The following CSNK2A1 variants were observed in gnomAD, a reference collection of about 807,000 sequenced individuals.
CSNK2A1 encodes casein kinase 2 alpha 1, also known as casein kinase II subunit alpha.
Under a neutral mutation model 62.9 loss-of-function variants are expected in CSNK2A1, and 10 were observed. That is an observed-to-expected ratio of 0.16 (90% CI 0.10 to 0.27). CSNK2A1 has a LOEUF of 0.27. CSNK2A1 is among the 10% of genes least tolerant of loss of function. The pLI is 1.00. For synonymous variants in CSNK2A1, 124 were observed against 167.8 expected (o/e 0.74, Z 2.02); for missense variants, 160 against 492.0 (o/e 0.33, Z 6.38).
At chr20:529,557 A>T (rs919147416) in intron 1 of CSNK2A1, among the ~76,000 whole-genome samples, 4 of 152,208 alleles carry the variant, frequency 2.6e-5, no homozygotes, top group African/African-American at 4.8e-5. Flanking sequence ...CGATGCTGAG[A>T]ATCTGGAAAT....
At chr20:521,954 A>G (rs1423671242) in intron 2 of CSNK2A1, among the ~76,000 whole-genome samples, 4 of 152,180 alleles carry the variant, frequency 2.6e-5, no homozygotes, top group Non-Finnish European at 2.9e-5. Flanking sequence ...ACTTCCATTT[A>G]TATCAGGGGT....
At position 482,040 on chromosome 20, in the gene CSNK2A1, G is replaced by A. The variant is rs1489261270; in HGVS notation, c.*1921C>T. ...AAGCGCTATAAAAGGAGGCTTTAGC[G>A]TCCTCTAAAGTTTACCATTATATTC... On this transcript the variant is annotated 3_prime_UTR_variant, in exon 14 of 14. Transcript: ENST00000217244. 1.3e-5 allele frequency: 2 copies of A among 152,142 alleles called. No homozygotes were observed. The highest frequency in any genetic ancestry group is 3.8e-4 in the East Asian group (2 of 5,196). The allele number at this position is 152,142 out of a possible 1,614,324, so 9.4% of individuals were successfully genotyped here. A position where few individuals can be genotyped will look rare whatever the true frequency, so the allele number is the denominator to read the frequency against.
intron 13 of CSNK2A1, among the ~76,000 whole-genome samples, chr20:485,111 T>TAATAATAATAATAATAATA (rs1568496684): frequency 1.1e-4 from 3 of 27,774 alleles, no homozygotes; most frequent in Admixed American, 6.2e-4. Flanking sequence ...AAAAAAAAAA[T>TAATAATAATAATAATAATA]ATATATATAT....
At chr20:531,411 T>C (rs1461305030) in intron 1 of CSNK2A1, among the ~76,000 whole-genome samples, 5 of 152,144 alleles carry the variant, frequency 3.3e-5, no homozygotes, top group Non-Finnish European at 5.9e-5. Flanking sequence ...ATTTGAGCAA[T>C]CAATCCCTGG....
In CSNK2A1 at chr20:486,552, T is replaced by C. The variant is rs10222037; in HGVS notation, c.974-90A>G. 3.3e-3 allele frequency: 4,712 copies of C among 1,409,398 alleles called. 126 individuals carry two copies. In the African/African-American group the frequency reaches 0.058, roughly 17 times the overall value. 87.3% of individuals were successfully genotyped at this position (1,409,398 alleles called of 1,614,324 possible). On this transcript the variant is annotated intron_variant, in intron 12 of 13. Coordinates refer to ENST00000217244, the MANE Select transcript of CSNK2A1 (RefSeq NM_177559.3). ...CCTGAAAGCAGCCAGCTTCATTCTT[T>C]GCAATTTATATATACTCTACATTAT... is the stretch of plus-strand genomic sequence containing the variant.
At chr20:524,161 C>T (rs765914320) in intron 2 of CSNK2A1, among the ~76,000 whole-genome samples, 3 of 151,892 alleles carry the variant, frequency 2.0e-5, no homozygotes, top group South Asian at 2.1e-4. Context: ...CAGCTGCTCA[C>T]GCCTGTAATC....
In CSNK2A1 at chr20:481,217, A is replaced by G. The variant is rs1300702621; in HGVS notation, c.*2744T>C. On this transcript the variant is annotated 3_prime_UTR_variant, in exon 14 of 14. Transcript: ENST00000217244. ...ACCAATTACAATACAATTACAACCA[A>G]TAAAGCAAGGTGGGGAGGGCCTTCT... 1.3e-5 allele frequency: 2 copies of G among 152,224 alleles called. No homozygotes were observed. The highest frequency in any genetic ancestry group is 4.8e-5 in the African/African-American group (2 of 41,444). The allele number at this position is 152,224 out of a possible 1,614,324, so 9.4% of individuals were successfully genotyped here. A position where few individuals can be genotyped will look rare whatever the true frequency, so the allele number is the denominator to read the frequency against.
intron 8 of CSNK2A1, chr20:492,605 A>G (rs763012965): frequency 3.5e-5 from 17 of 485,898 alleles, no homozygotes; most frequent in Non-Finnish European, 6.3e-5. Flanking sequence ...AAACTGCTCA[A>G]TGACTAAAAT....
At chr20:497,458 A>G (rs2018368400) in intron 7 of CSNK2A1, among the ~76,000 whole-genome samples, 1 of 145,362 alleles carries the variant, frequency 6.9e-6, no homozygotes, top group Non-Finnish European at 1.5e-5. Context: ...TAATTAAACA[A>G]TTTTTTTTTG....
At chr20:487,870 G>A (rs1341185881) in intron 11 of CSNK2A1, 2 of 421,584 alleles carry the variant, frequency 4.7e-6, no homozygotes, top group East Asian at 4.5e-5. Context: ...GGGTCAGGTG[G>A]CTGAGCTCAC....
intron 1 of CSNK2A1, among the ~76,000 whole-genome samples, chr20:538,835 A>G (rs2019388367): frequency 6.6e-6 from 1 of 152,244 alleles, no homozygotes; most frequent in Non-Finnish European, 1.5e-5. Flanking sequence ...GCCAATAAAA[A>G]CTAATGAAGA....
At chr20:537,600 C>T (rs780706294) in intron 1 of CSNK2A1, among the ~76,000 whole-genome samples, 17 of 152,138 alleles carry the variant, frequency 1.1e-4, no homozygotes, top group Admixed American at 3.3e-4. Flanking sequence ...AGCTACTTTT[C>T]CTTAATAATC....
intron 2 of CSNK2A1, among the ~76,000 whole-genome samples, chr20:518,933 C>CTTTT: frequency 8.1e-6 from 1 of 123,710 alleles, no homozygotes; most frequent in Non-Finnish European, 1.7e-5. Context: ...GTTGGATATA[C>CTTTT]TTTTTTTTTT....
At chr20:536,037 G>T (rs1009234826) in intron 1 of CSNK2A1, among the ~76,000 whole-genome samples, 1 of 152,036 alleles carries the variant, frequency 6.6e-6, no homozygotes, top group African/African-American at 2.4e-5. Context: ...GTCTGAGATG[G>T]GAATATTACC....
Position 504,871 on chromosome 20 carries a change from C to T in CSNK2A1, c.213+247G>A. The T allele has an allele frequency of 6.9e-6, 3 of 435,018 alleles. No homozygotes were observed. The South Asian group carries it at 1.7e-4, about 25-fold the overall frequency. The allele number at this position is 435,018 out of a possible 1,614,324, so 26.9% of individuals were successfully genotyped here. A position where few individuals can be genotyped will look rare whatever the true frequency, so the allele number is the denominator to read the frequency against. ...TAGGCAATAACTGGGAGAGAAGAGA[C>T]TGTACCTTTGCTCCCTTACTCTGCC... On this transcript the variant is annotated intron_variant, in intron 4 of 13. Coordinates refer to ENST00000217244, the MANE Select transcript of CSNK2A1 (RefSeq NM_177559.3).
chr20:537,782 G>C (rs1464869283), intron 1 of CSNK2A1, among the ~76,000 whole-genome samples: 1 of 152,112 alleles, frequency 6.6e-6, no homozygotes, highest in Admixed American at 6.5e-5. Flanking sequence ...AATTGTGACA[G>C]ATCAAAACCC....
chr20:485,104 AAAAAAATATAT>A (rs2018059935), intron 13 of CSNK2A1, among the ~76,000 whole-genome samples: 1 of 47,200 alleles, frequency 2.1e-5, no homozygotes, highest in Non-Finnish European at 3.9e-5. Flanking sequence ...AAAAAAAAAA[AAAAAAATATAT>A]ATATATATAT....
Position 481,483 on chromosome 20 carries a change from T to G in CSNK2A1, c.*2478A>C, listed in dbSNP as rs1053639357. 2.6e-5 allele frequency: 2 copies of G among 77,832 alleles called. No homozygotes were observed. Among genetic ancestry groups the G allele is most frequent in the Admixed American group, 1.6e-4 (1 of 6,368 alleles). 4.8% of individuals were successfully genotyped at this position (77,832 alleles called of 1,614,324 possible). A position where few individuals can be genotyped will look rare whatever the true frequency, so the allele number is the denominator to read the frequency against. ...AGTTGTTACTCTGTAAACCCTTGCC[T>G]CCCCCCCACCCCCCACCCAATTGGG... On this transcript the variant is annotated 3_prime_UTR_variant, in exon 14 of 14. Coordinates refer to ENST00000217244, the MANE Select transcript of CSNK2A1 (RefSeq NM_177559.3).
At position 473,820 on chromosome 20, in the gene CSNK2A1, C is replaced by A. The variant is rs900402723; in HGVS notation, c.*10141G>T. 4 of 152,246 alleles carry A rather than the reference C, an allele frequency of 2.6e-5. No homozygotes were observed. The highest frequency in any genetic ancestry group is 7.2e-5 in the African/African-American group (3 of 41,442). The allele number at this position is 152,246 out of a possible 1,614,324, so 9.4% of individuals were successfully genotyped here. A position where few individuals can be genotyped will look rare whatever the true frequency, so the allele number is the denominator to read the frequency against. On this transcript the variant is annotated 3_prime_UTR_variant, in exon 14 of 14. Transcript: ENST00000217244. ...CTTAGATTTGAAGCCAGTTGATTGT[C>A]TTCTGATCTCAGCTCTCCAGAAGAC...
Sources: gnomAD v4.1 joint callset for allele counts (sites outside exome capture counted in the v4.1 genomes callset) on GRCh38, gnomAD v4.1.1 for gene constraint, MANE v1.5 for transcripts, NCBI Gene and HGNC (gene_info 2026-07-23, HGNC 2026-07-21) for gene names.